BTRC: variants seen among roughly 807,000 people sequenced by gnomAD.
The protein encoded by BTRC is beta-transducin repeat containing E3 ubiquitin protein ligase, also known as F-box/WD repeat-containing protein 1A.
BTRC carries 42 observed loss-of-function variants against 85.5 expected under a neutral mutation model. That is an observed-to-expected ratio of 0.49 (90% CI 0.38 to 0.64). The LOEUF (loss-of-function observed/expected upper bound fraction) is 0.64, where lower values mean the gene tolerates loss of function less well. Ranked by LOEUF, BTRC falls within the 30% of genes least tolerant of loss-of-function variation. The probability of loss-of-function intolerance (pLI) is 0.00; values close to 1 mark genes in which losing one functional copy is unlikely to be tolerated. For synonymous variants in BTRC, 255 were observed against 263.3 expected (o/e 0.97, Z 0.30); for missense variants, 594 against 743.5 (o/e 0.80, Z 2.34).
At chr10:101,531,064 A>G (rs192118829) in intron 6 of BTRC, among the ~76,000 whole-genome samples, 173 bp from the exon 7 acceptor site, 237 of 152,240 alleles carry the variant, frequency 1.6e-3, no homozygotes, top group Admixed American at 3.3e-3. Context: ...ACAGCTACTC[A>G]GGAGGCTGAG....
intron 4 of BTRC, among the ~76,000 whole-genome samples, chr10:101,515,604 C>T (rs965338982): frequency 1.3e-5 from 2 of 151,740 alleles, no homozygotes; most frequent in African/African-American, 4.8e-5. Flanking sequence ...CTCCACCTCC[C>T]GGGTTCAAGT....
chr10:101,550,136 A>G (rs2062626994), intron 13 of BTRC, among the ~76,000 whole-genome samples: 1 of 152,138 alleles, frequency 6.6e-6, no homozygotes, highest in Non-Finnish European at 1.5e-5. Context: ...CTACGCCAAA[A>G]AGGGTTGGCC....
At chr10:101,502,042 G>A (rs191723417) in intron 4 of BTRC, among the ~76,000 whole-genome samples, 28 of 152,242 alleles carry the variant, frequency 1.8e-4, no homozygotes, top group Admixed American at 1.8e-3. Context: ...TGCCCATGTA[G>A]GGGACATATA....
chr10:101,442,947 T>C lies in BTRC; in HGVS notation c.156+12495T>C, dbSNP rs1204615795. 2.1e-5 allele frequency among the ~76,000 whole-genome samples: 3 copies of C among 145,148 alleles called. No homozygotes were observed. The East Asian group carries it at 6.6e-4, about 32-fold the overall frequency. Reference sequence around the variant, plus strand: ...CGCTCTGTCACCCAGGGTGGTGCCATCTCGGCTCACTGCAAGCTCTGCCTC... The same window carrying C: ...CGCTCTGTCACCCAGGGTGGTGCCACCTCGGCTCACTGCAAGCTCTGCCTC... On this transcript the variant is annotated intron_variant, in intron 2 of 14. Coordinates refer to ENST00000370187, the MANE Select transcript of BTRC (RefSeq NM_033637.4).
chr10:101,385,146 T>A (rs2133967578), intron 1 of BTRC, among the ~76,000 whole-genome samples: 2 of 151,890 alleles, frequency 1.3e-5, no homozygotes, highest in South Asian at 4.2e-4. Context: ...TGCAGTGGGC[T>A]ATGATTCCTC....
chr10:101,480,738 A>G (rs1945812184), intron 4 of BTRC, among the ~76,000 whole-genome samples: 1 of 152,122 alleles, frequency 6.6e-6, no homozygotes, highest in African/African-American at 2.4e-5. Context: ...TCGAAATCAT[A>G]CATATAAGAA....
intron 2 of BTRC, among the ~76,000 whole-genome samples, chr10:101,449,148 A>G (rs1017646454): frequency 3.2e-4 from 48 of 152,062 alleles, no homozygotes; most frequent in African/African-American, 1.2e-3. Flanking sequence ...GGATGGTTTT[A>G]CGTCTCGGGA....
intron 4 of BTRC, among the ~76,000 whole-genome samples, chr10:101,511,077 CA>C (rs1946690130): frequency 1.3e-5 from 2 of 152,202 alleles, no homozygotes; most frequent in South Asian, 2.1e-4. Flanking sequence ...GTGACTATTT[CA>C]AAACCTCCAG....
chr10:101,446,367 G>A (rs940310305), intron 2 of BTRC, among the ~76,000 whole-genome samples: 4 of 152,032 alleles, frequency 2.6e-5, no homozygotes, highest in African/African-American at 7.2e-5. Flanking sequence ...TGTAGTGTTT[G>A]CTAGATGTGC....
chr10:101,431,063 A>G (rs1297181780), intron 2 of BTRC, among the ~76,000 whole-genome samples: 1 of 139,038 alleles, frequency 7.2e-6, no homozygotes, highest in Non-Finnish European at 1.5e-5. Flanking sequence ...AGTTCCCCTC[A>G]GCCTTTCTTT....
intron 4 of BTRC, among the ~76,000 whole-genome samples, chr10:101,499,141 G>T (rs1232610340): frequency 2.0e-5 from 3 of 152,118 alleles, no homozygotes; most frequent in African/African-American, 7.2e-5. Flanking sequence ...TTTACAGGGG[G>T]AAAAAGTGAA....
intron 4 of BTRC, among the ~76,000 whole-genome samples, chr10:101,482,627 C>T (rs750438172): frequency 6.6e-6 from 1 of 151,210 alleles, no homozygotes; most frequent in Non-Finnish European, 1.5e-5. Flanking sequence ...GATCTCCTGA[C>T]GTCGTGATCC....
intron 4 of BTRC, among the ~76,000 whole-genome samples, chr10:101,494,571 T>A (rs1946213475): frequency 6.6e-6 from 1 of 152,220 alleles, no homozygotes; most frequent in African/African-American, 2.4e-5. Context: ...TTAAGGTGAC[T>A]CTGCATTTTC....
intron 4 of BTRC, among the ~76,000 whole-genome samples, chr10:101,493,622 GGA>G (rs1946189496): frequency 6.6e-6 from 1 of 152,166 alleles, no homozygotes; most frequent in Non-Finnish European, 1.5e-5. Context: ...GCCAGGATTT[GGA>G]AATCGCAGAA....
At chr10:101,513,568 A>C (rs766335302) in intron 4 of BTRC, among the ~76,000 whole-genome samples, 5 of 152,076 alleles carry the variant, frequency 3.3e-5, no homozygotes, top group Non-Finnish European at 7.4e-5. Context: ...TTGATTCAGC[A>C]TGTTTTTGAG....
intron 5 of BTRC, among the ~76,000 whole-genome samples, chr10:101,523,046 A>C: frequency 6.6e-6 from 1 of 152,106 alleles, no homozygotes; most frequent in East Asian, 1.9e-4. Flanking sequence ...TCTACTAAAA[A>C]TACAAAAATT....
At chr10:101,499,165 A>G (rs753947085) in intron 4 of BTRC, among the ~76,000 whole-genome samples, 17 of 152,168 alleles carry the variant, frequency 1.1e-4, no homozygotes, top group Non-Finnish European at 1.8e-4. Context: ...TAAAGAAGGC[A>G]ACTAACTTGT....
intron 4 of BTRC, among the ~76,000 whole-genome samples, chr10:101,506,069 A>G (rs1237235577): frequency 6.6e-6 from 1 of 152,110 alleles, no homozygotes; most frequent in Non-Finnish European, 1.5e-5. Flanking sequence ...GCCGGCCACC[A>G]TGCACTGCTA....
rs1249405772 is a variant in BTRC at position 101,430,415 on chromosome 10, T to C, written c.119T>C (p.Leu40Pro). 1 of 1,614,076 alleles carries C rather than the reference T, an allele frequency of 6.2e-7. No homozygotes were observed. The highest frequency in any genetic ancestry group is 8.5e-7 in the Non-Finnish European group (1 of 1,179,968). ...GACAGCATGCCTTCGCTGCGATGCCTGTATAACCCAGGGACTGGCGCACTC... is the reference window on the plus strand; with the variant it reads ...GACAGCATGCCTTCGCTGCGATGCCCGTATAACCCAGGGACTGGCGCACTC... ...LADSMPSLRC[L>P]YNPGTGALTA... is the part of the protein sequence containing the mutation. Residue 40 changes from leucine to proline, a missense_variant, in exon 2 of 15, where the codon CTG (leucine) becomes CCG (proline). Leu to Pro is a moderately conservative substitution (Grantham distance 98). Coordinates refer to ENST00000370187, the MANE Select transcript of BTRC (RefSeq NM_033637.4).
Sources: allele counts gnomAD v4.1 joint callset (sites outside exome capture counted in the v4.1 genomes callset), GRCh38; gene constraint gnomAD v4.1.1; transcripts MANE v1.5; gene names NCBI Gene and HGNC (gene_info 2026-07-23, HGNC 2026-07-21).